The following NHSL1 variants were observed in gnomAD, a reference collection of about 807,000 sequenced individuals.
NHSL1 encodes NHS-like protein 1.
NHSL1 carries 48 observed loss-of-function variants against 95.0 expected under a neutral mutation model. That is an observed-to-expected ratio of 0.51 (90% CI 0.40 to 0.64). NHSL1 has a LOEUF of 0.64. NHSL1 is among the 30% of genes least tolerant of loss of function. NHSL1 has a pLI of 0.00. For synonymous variants in NHSL1, 783 were observed against 833.9 expected (o/e 0.94, Z 1.05); for missense variants, 1,971 against 2,077.7 (o/e 0.95, Z 1.00).
intron 1 of NHSL1, among the ~76,000 whole-genome samples, chr6:138,507,343 T>A (rs1249681992): frequency 6.6e-6 from 1 of 152,176 alleles, no homozygotes; most frequent in Non-Finnish European, 1.5e-5. Context: ...TAACTTAAAG[T>A]GGGACATTAT....
chr6:138,456,053 C>G (rs1277984451), intron 3 of NHSL1, among the ~76,000 whole-genome samples: 2 of 152,208 alleles, frequency 1.3e-5, no homozygotes, highest in African/African-American at 4.8e-5. Flanking sequence ...GTTTCACAAA[C>G]ATTAATTTAC....
intron 1 of NHSL1, among the ~76,000 whole-genome samples, chr6:138,581,210 T>C (rs1437977050): frequency 6.6e-6 from 1 of 152,230 alleles, no homozygotes; most frequent in Non-Finnish European, 1.5e-5. Flanking sequence ...TGCAACCTGC[T>C]CTATCTTTAA....
chr6:138,581,340 G>T (rs1320986265), intron 1 of NHSL1, among the ~76,000 whole-genome samples: 3 of 152,026 alleles, frequency 2.0e-5, no homozygotes, highest in Non-Finnish European at 4.4e-5. Flanking sequence ...TGGAAGACTA[G>T]GCCTAACAGG....
intron 1 of NHSL1, among the ~76,000 whole-genome samples, chr6:138,512,728 G>A (rs780993880): frequency 5.3e-5 from 8 of 152,162 alleles, no homozygotes; most frequent in Non-Finnish European, 1.2e-4. Context: ...TGGCAAAGGG[G>A]ATCATTAAGA....
intron 3 of NHSL1, among the ~76,000 whole-genome samples, chr6:138,464,894 G>A (rs1380295538): frequency 6.6e-6 from 1 of 151,054 alleles, no homozygotes; most frequent in Non-Finnish European, 1.5e-5. Flanking sequence ...TGTATTTTTA[G>A]TAGAGACAGG....
intron 1 of NHSL1, among the ~76,000 whole-genome samples, chr6:138,673,317 G>GAAA: frequency 8.8e-6 from 1 of 113,248 alleles, no homozygotes. Context: ...TATTTAACCA[G>GAAA]AAAAAAAAAA....
At chr6:138,473,578 G>T in intron 2 of NHSL1, 145 bp from the exon 3 acceptor site, 2 of 913,300 alleles carry the variant, frequency 2.2e-6, no homozygotes, top group East Asian at 3.3e-5. Context: ...GATAAAAACA[G>T]CTAAGAATTA....
At chr6:138,493,648 T>A (rs1306663914) in intron 2 of NHSL1, among the ~76,000 whole-genome samples, 1 of 152,262 alleles carries the variant, frequency 6.6e-6, no homozygotes, top group Non-Finnish European at 1.5e-5. Context: ...GAAATGCTAA[T>A]GAGGCACTGC....
intron 2 of NHSL1, among the ~76,000 whole-genome samples, chr6:138,475,953 ACT>A (rs1189717482): frequency 6.6e-6 from 1 of 152,176 alleles, no homozygotes; most frequent in Non-Finnish European, 1.5e-5. Context: ...ACAGAGTGAG[ACT>A]CTGTCTCAAA....
At chr6:138,549,677 G>A (rs1231317421), upstream of NHSL1, among the ~76,000 whole-genome samples, 4 of 152,170 alleles carry the variant, frequency 2.6e-5, no homozygotes, top group East Asian at 1.9e-4. Context: ...ATTTAGCAAG[G>A]TAATAATTAC....
intron 1 of NHSL1, among the ~76,000 whole-genome samples, chr6:138,540,422 T>C (rs1027703185): frequency 2.6e-5 from 4 of 152,244 alleles, no homozygotes; most frequent in Non-Finnish European, 4.4e-5. Context: ...AAGAAGGGGC[T>C]AGGGACCTTC....
chr6:138,675,656 C>T (rs542513837), intron 1 of NHSL1, among the ~76,000 whole-genome samples: 57 of 151,998 alleles, frequency 3.8e-4, no homozygotes, highest in Non-Finnish European at 7.2e-4. Flanking sequence ...TGCCTCAGCC[C>T]CCCAAATAGC....
intron 1 of NHSL1, among the ~76,000 whole-genome samples, chr6:138,662,079 A>C (rs1029734575): frequency 2.0e-5 from 3 of 152,160 alleles, no homozygotes. Flanking sequence ...TCTCTAAAAA[A>C]TAGTAATAAC....
chr6:138,504,025 G>A (rs1191849889), upstream of NHSL1, among the ~76,000 whole-genome samples: 1 of 151,992 alleles, frequency 6.6e-6, no homozygotes, highest in African/African-American at 2.4e-5. Context: ...GAGGCCAGGT[G>A]TTCAATACCA....
chr6:138,612,015 G>A (rs1562391393), intron 1 of NHSL1, among the ~76,000 whole-genome samples: 2 of 146,592 alleles, frequency 1.4e-5, no homozygotes, highest in South Asian at 2.2e-4. Flanking sequence ...GAGGCTGAGG[G>A]AGGAAAATTG....
rs551473290 is a variant in NHSL1 at position 138,438,120 on chromosome 6, T to C, written c.664+3863A>G. On this transcript the variant is annotated intron_variant, in intron 5 of 7. Coordinates refer to ENST00000343505, the MANE Select transcript of NHSL1 (RefSeq NM_001144060.2). Reference sequence around the variant, plus strand: ...TAAAATGTTAATAAACAGTATTACGTGCTACAGAGAAATCTTTCAAGAAAG... The same window carrying C: ...TAAAATGTTAATAAACAGTATTACGCGCTACAGAGAAATCTTTCAAGAAAG... Among the ~76,000 whole-genome samples, 5 of 152,354 alleles carry C rather than the reference T, an allele frequency of 3.3e-5. No individual in the cohort carries two copies. In the South Asian group the frequency reaches 1.0e-3, roughly 32 times the overall value.
At position 138,423,272 on chromosome 6, in the gene NHSL1, A is replaced by G. The variant is rs1453591578; in HGVS notation, c.*809T>C. The G allele has an allele frequency of 6.6e-6, 1 of 152,076 alleles. No homozygotes were observed. Among genetic ancestry groups the G allele is most frequent in the African/African-American group, 2.4e-5 (1 of 41,394 alleles). The allele number at this position is 152,076 out of a possible 1,614,324, so 9.4% of individuals were successfully genotyped here. On this transcript the variant is annotated 3_prime_UTR_variant, in exon 8 of 8. Coordinates refer to ENST00000343505, the MANE Select transcript of NHSL1 (RefSeq NM_001144060.2). ...CCCCTCTCTCTATGTCCACACCATC[A>G]CTTCAGTTGTCAATGACCTCAGCTG...
chr6:138,604,466 A>C (rs1295287481), intron 1 of NHSL1, among the ~76,000 whole-genome samples: 1 of 152,196 alleles, frequency 6.6e-6, no homozygotes, highest in Non-Finnish European at 1.5e-5. Context: ...TACAACTAAG[A>C]AGCAAGGAGG....
intron 1 of NHSL1, among the ~76,000 whole-genome samples, chr6:138,540,791 T>C (rs1782549271): frequency 6.6e-6 from 1 of 152,158 alleles, no homozygotes; most frequent in Admixed American, 6.5e-5. Context: ...TATAGGACCC[T>C]ATCGTTCGGG....
Sources: gnomAD v4.1 joint callset for allele counts (sites outside exome capture counted in the v4.1 genomes callset) on GRCh38, gnomAD v4.1.1 for gene constraint, MANE v1.5 for transcripts, NCBI Gene and HGNC (gene_info 2026-07-23, HGNC 2026-07-21) for gene names.